The following VPS8 variants were observed in gnomAD, a reference collection of about 807,000 sequenced individuals.
VPS8 encodes the protein vacuolar protein sorting-associated protein 8 homolog.
In VPS8, 129 loss-of-function variants were observed where a neutral mutation model predicts 216.4. That is an observed-to-expected ratio of 0.60 (90% confidence interval 0.52 to 0.69). The LOEUF (loss-of-function observed/expected upper bound fraction) is 0.69. Ranked by LOEUF, VPS8 falls within the 30% of genes least tolerant of loss-of-function variation. The probability of loss-of-function intolerance (pLI) is 0.00; values close to 1 mark genes in which losing one functional copy is unlikely to be tolerated. For missense variants in VPS8, 1,531 were observed against 1,683.5 expected (o/e 0.91, Z 1.59); for synonymous variants, 571 against 565.4 (o/e 1.01, Z -0.14).
chr3:184,944,041 G>GCACA lies in VPS8; in HGVS notation c.3035+3817_3035+3820dup, dbSNP rs57639626. ...TGCTTGAACCTGGGAGGCAGAGGTT[G>GCACA]CACACACACACACACACACACAAAC... On this transcript the variant is annotated intron_variant, in intron 36 of 47. Coordinates refer to ENST00000625842, the MANE Select transcript of VPS8 (RefSeq NM_001009921.3). Among the ~76,000 whole-genome samples the GCACA allele has an allele frequency of 6.0e-3, 903 of 149,952 alleles. 6 individuals carry two copies. Among genetic ancestry groups the GCACA allele is most frequent in the African/African-American group, 0.017 (685 of 40,232 alleles).
At chr3:184,840,223 T>G (rs1433875676) in intron 7 of VPS8, 1 of 153,072 alleles carries the variant, frequency 6.5e-6, no homozygotes, top group Admixed American at 6.5e-5. Context: ...GAATTTTTTT[T>G]GGCCTGTAAT....
At chr3:184,867,858 A>G (rs1727659799) in intron 17 of VPS8, among the ~76,000 whole-genome samples, 166 bp from the exon 18 acceptor site, 1 of 152,194 alleles carries the variant, frequency 6.6e-6, no homozygotes, top group Non-Finnish European at 1.5e-5. Flanking sequence ...AAAAAAGAAA[A>G]GCGTTCTTGA....
chr3:184,979,238 G>A (rs748681473), intron 40 of VPS8, among the ~76,000 whole-genome samples: 2 of 152,134 alleles, frequency 1.3e-5, no homozygotes, highest in Non-Finnish European at 2.9e-5. Context: ...TGATTTTAGA[G>A]TATGTGCCAG....
intron 45 of VPS8, among the ~76,000 whole-genome samples, chr3:185,004,353 GC>G (rs997387627): frequency 5.9e-5 from 9 of 152,170 alleles, no homozygotes; most frequent in Admixed American, 5.2e-4. Context: ...GGCGGCGCGC[GC>G]CCGCAATCGC....
At chr3:184,842,186 C>CAAAAAAAAAAAAAAAAAAAAA (rs71162267) in intron 7 of VPS8, among the ~76,000 whole-genome samples, 11 of 48,978 alleles carry the variant, frequency 2.2e-4, no homozygotes, top group East Asian at 1.1e-3. Flanking sequence ...GACTCCGTCT[C>CAAAAAAAAAAAAAAAAAAAAA]AAAAAAAAAA....
intron 36 of VPS8, among the ~76,000 whole-genome samples, chr3:184,944,926 C>G (rs1440987108): frequency 6.6e-6 from 1 of 151,886 alleles, no homozygotes; most frequent in Admixed American, 6.5e-5. Context: ...TAATATATTT[C>G]AAAGTTAAAA....
intron 3 of VPS8, among the ~76,000 whole-genome samples, chr3:184,827,149 A>G (rs1718976321): frequency 6.6e-6 from 1 of 152,234 alleles, no homozygotes; most frequent in African/African-American, 2.4e-5. Context: ...CGTATACCAA[A>G]GCTCCGAGTG....
rs568313776 is a variant in VPS8 at position 185,047,794 on chromosome 3, G to T, written c.4057-685G>T. On this transcript the variant is annotated intron_variant, in intron 46 of 47. Transcript: ENST00000625842. ...GTGACTTGCCTAAAGTTACATAGCA[G>T]GTTACTGTCAGAACTAGTATCCAGA... 5.3e-4 allele frequency among the ~76,000 whole-genome samples: 80 copies of T among 152,256 alleles called. No homozygotes were observed. The Middle Eastern group carries it at 0.01, about 19-fold the overall frequency.
At chr3:184,913,136 A>G (rs1026292761) in intron 25 of VPS8, among the ~76,000 whole-genome samples, 3 of 152,220 alleles carry the variant, frequency 2.0e-5, no homozygotes, top group Non-Finnish European at 4.4e-5. Context: ...GGTAGGTGGT[A>G]AAAGTCCATA....
At position 184,886,127 on chromosome 3, in the gene VPS8, A is replaced by T. The variant is rs759679712; in HGVS notation, c.1752A>T (p.Ile584=). ...EQHFQDMVPV[I]VDYCLLLQRK... is the part of the protein sequence containing the mutation. ...CTCTACAGGATATGGTGCCTGTCAT[A>T]GTTGATTACTGCCTTCTGCTGCAGC... is the stretch of plus-strand genomic sequence containing the variant. Residue 584 remains isoleucine, a synonymous_variant, in exon 22 of 48, where the codon ATA becomes ATT. Transcript: ENST00000625842. 1.7e-5 allele frequency: 28 copies of T among 1,609,806 alleles called. No individual in the cohort carries two copies. The highest frequency in any genetic ancestry group is 2.3e-5 in the Non-Finnish European group (27 of 1,178,120).
At position 185,052,121 on chromosome 3, in the gene VPS8, C is replaced by A; in HGVS notation, c.*96C>A. The A allele has an allele frequency of 7.2e-7, 1 of 1,397,570 alleles. No homozygotes were observed. Among genetic ancestry groups the A allele is most frequent in the East Asian group, 2.6e-5 (1 of 38,850 alleles). The allele number at this position is 1,397,570 out of a possible 1,614,324, so 86.6% of individuals were successfully genotyped here. ...GGTGGGCTTGGCCTCCACCACCTCC[C>A]ACGCTTCTGAGAAGAGGTTCCAAAT... is the stretch of plus-strand genomic sequence containing the variant. On this transcript the variant is annotated 3_prime_UTR_variant, in exon 48 of 48. Transcript: ENST00000625842.
intron 21 of VPS8, among the ~76,000 whole-genome samples, chr3:184,877,110 C>T (rs1256701894): frequency 1.3e-5 from 2 of 152,148 alleles, no homozygotes; most frequent in African/African-American, 4.8e-5. Flanking sequence ...AGCCTTTGTG[C>T]ACAGTGTTCT....
At chr3:184,958,197 A>G (rs1277548597) in intron 37 of VPS8, among the ~76,000 whole-genome samples, 1 of 152,192 alleles carries the variant, frequency 6.6e-6, no homozygotes, top group Admixed American at 6.5e-5. Context: ...AGAAAATCAT[A>G]GATTGGAACA....
At chr3:184,926,905 C>T (rs191159013) in intron 31 of VPS8, among the ~76,000 whole-genome samples, 43 of 152,256 alleles carry the variant, frequency 2.8e-4, no homozygotes, top group African/African-American at 9.9e-4. Context: ...AAGAAACTTC[C>T]CCTATTATAT....
chr3:184,901,170 A>G, intron 25 of VPS8, 198 bp downstream of exon 25: 1 of 562,114 alleles, frequency 1.8e-6, no homozygotes, highest in Non-Finnish European at 3.1e-6. Context: ...TTTGTACTTG[A>G]TCCTTTCCCC....
rs148054015 is a variant in VPS8 at position 184,875,868 on chromosome 3, T to C, written c.1734+5063T>C. ...AGCTGGGAATGGTGGTGCACAGCTA[T>C]AGTCCCAGCTACTCTGGAGGCTGAG... is the stretch of plus-strand genomic sequence containing the variant. On this transcript the variant is annotated intron_variant, in intron 21 of 47. Transcript: ENST00000625842. Among the ~76,000 whole-genome samples the C allele has an allele frequency of 2.7e-3, 401 of 150,982 alleles. 1 individual carries two copies. The highest frequency in any genetic ancestry group is 4.9e-3 in the Non-Finnish European group (334 of 67,780).
At chr3:185,029,557 C>A (rs1757824810) in intron 46 of VPS8, among the ~76,000 whole-genome samples, 1 of 151,768 alleles carries the variant, frequency 6.6e-6, no homozygotes, top group Non-Finnish European at 1.5e-5. Flanking sequence ...TCACATTCCA[C>A]AACATGTATC....
Position 184,824,767 on chromosome 3 carries a change from G to A in VPS8, c.135G>A (p.Leu45=). The A allele has an allele frequency of 6.2e-7, 1 of 1,611,124 alleles. No homozygotes were observed. Among genetic ancestry groups the A allele is most frequent in the Non-Finnish European group, 8.5e-7 (1 of 1,178,440 alleles). The part of the protein sequence containing the change: ...KFSYIDMDKE[L]EFKNDLIDDK... The stretch of plus-strand genomic sequence containing the variant: ...CTTACATAGATATGGACAAGGAACT[G>A]GAGTTCAAAAATGATCTGGTAAAAA... The change falls in exon 2 of 48, where the codon CTG becomes CTA. Residue 45 remains leucine (L), a synonymous_variant. Coordinates refer to ENST00000625842, the MANE Select transcript of VPS8 (RefSeq NM_001009921.3).
intron 39 of VPS8, among the ~76,000 whole-genome samples, chr3:184,967,320 A>G (rs1340722249): frequency 6.6e-6 from 1 of 152,164 alleles, no homozygotes; most frequent in East Asian, 1.9e-4. Flanking sequence ...GTTATGTTTA[A>G]ATGAGGTATA....
Sources: allele counts gnomAD v4.1 joint callset (sites outside exome capture counted in the v4.1 genomes callset), GRCh38; gene constraint gnomAD v4.1.1; transcripts MANE v1.5; gene names NCBI Gene and HGNC (gene_info 2026-07-23, HGNC 2026-07-21).